The following RFTN1 variants were observed in gnomAD, a reference collection of about 807,000 sequenced individuals.
The protein encoded by RFTN1 is raftlin.
A neutral mutation model predicts 46.5 loss-of-function variants in RFTN1; 26 were observed. The ratio of observed to expected loss-of-function variants is 0.56; its 90% CI spans 0.41 to 0.78. The LOEUF is 0.78. Ranked by LOEUF, RFTN1 falls within the 30% of genes least tolerant of loss-of-function variation. The pLI is 0.00. For missense variants in RFTN1, 693 were observed against 718.7 expected (o/e 0.96, Z 0.41); for synonymous variants, 261 against 284.2 (o/e 0.92, Z 0.82).
rs1242138997 is a variant in RFTN1 at position 16,410,019 on chromosome 3, C to A, written c.333-536G>T. On this transcript the variant is annotated intron_variant, in intron 3 of 9. Coordinates refer to ENST00000334133, the MANE Select transcript of RFTN1 (RefSeq NM_015150.2). This position sits in a 1 kb window ranked among gnomAD's most constrained non-coding sequence, Gnocchi z 4.6. ...ATTTTTTTTTTTTTTTAAAAAGAAT[C>A]ATTGGGTCTTTAATGAAGCCCCAGA... 6.7e-6 allele frequency among the ~76,000 whole-genome samples: 1 copy of A among 150,358 alleles called. No homozygotes were observed. The highest frequency in any genetic ancestry group is 2.5e-5 in the African/African-American group (1 of 40,728).
At chr3:16,482,112 C>T (rs768673770) in intron 2 of RFTN1, among the ~76,000 whole-genome samples, 3 of 152,124 alleles carry the variant, frequency 2.0e-5, no homozygotes, top group Non-Finnish European at 4.4e-5. Context: ...GCAGCATGAC[C>T]CTTAATGTGG....
In RFTN1 at chr3:16,474,970, A is replaced by G. The variant is rs2076257525; in HGVS notation, c.145+18755T>C. On this transcript the variant is annotated intron_variant, in intron 2 of 9. Coordinates refer to ENST00000334133, the MANE Select transcript of RFTN1 (RefSeq NM_015150.2). This position sits in a 1 kb window ranked among gnomAD's most constrained non-coding sequence, Gnocchi z 5.5. ...ATCTCATATTGATATTTGATCTCCC[A>G]CGTTGGAGGTGGGGCCTAGTGGGAG... is the stretch of plus-strand genomic sequence containing the variant. Among the ~76,000 whole-genome samples the G allele has an allele frequency of 2.0e-5, 3 of 152,148 alleles. No homozygotes were observed. The highest frequency in any genetic ancestry group is 2.0e-4 in the Admixed American group (3 of 15,286).
In RFTN1 at chr3:16,338,328, G is replaced by A. The variant is rs1342653035; in HGVS notation, c.1147-11452C>T. ...TGATCACAGGGAAGGTAATGAGGCC[G>A]GACATGCGGCGGCTAAGGGGCGATG... On this transcript the variant is annotated intron_variant, in intron 7 of 9. Coordinates refer to ENST00000334133, the MANE Select transcript of RFTN1 (RefSeq NM_015150.2). The surrounding 1 kb of genome is among the most constrained non-coding windows in gnomAD (Gnocchi z 5.3). Among the ~76,000 whole-genome samples the A allele has an allele frequency of 2.0e-5, 3 of 152,244 alleles. No homozygotes were observed. In the East Asian group the frequency reaches 5.8e-4, roughly 29 times the overall value.
chr3:16,478,394 C>T (rs989895224), intron 2 of RFTN1, among the ~76,000 whole-genome samples: 3 of 152,204 alleles, frequency 2.0e-5, no homozygotes, highest in African/African-American at 7.2e-5. Flanking sequence ...CAAGCTCACA[C>T]AGCTAATAAG....
At chr3:16,438,638 A>G (rs2075562920) in intron 2 of RFTN1, among the ~76,000 whole-genome samples, 1 of 145,496 alleles carries the variant, frequency 6.9e-6, no homozygotes. Flanking sequence ...TTTCTATACC[A>G]GCTGCTCTCC....
rs1341862614 is a variant in RFTN1, at chr3:16,446,998, G to A, written c.146-12961C>T. ...GACTAGTTTCAAGAGGCTTATGACA[G>A]AATAAATTCCACACTCTGGGGGCTT... On this transcript the variant is annotated intron_variant, in intron 2 of 9. Transcript: ENST00000334133. This position sits in a 1 kb window ranked among gnomAD's most constrained non-coding sequence, Gnocchi z 4.5. Among the ~76,000 whole-genome samples, 1 of 152,174 alleles carries A rather than the reference G, an allele frequency of 6.6e-6. No individual in the cohort carries two copies. Among genetic ancestry groups the A allele is most frequent in the Non-Finnish European group, 1.5e-5 (1 of 68,028 alleles).
Position 16,483,275 on chromosome 3 carries a change from G to A in RFTN1, c.145+10450C>T, listed in dbSNP as rs1487184748. Among the ~76,000 whole-genome samples, 1 of 152,154 alleles carries A rather than the reference G, an allele frequency of 6.6e-6. No individual in the cohort carries two copies. Among genetic ancestry groups the A allele is most frequent in the African/African-American group, 2.4e-5 (1 of 41,442 alleles). On this transcript the variant is annotated intron_variant, in intron 2 of 9. Transcript: ENST00000334133. This position sits in a 1 kb window ranked among gnomAD's most constrained non-coding sequence, Gnocchi z 4.8. The stretch of plus-strand genomic sequence containing the variant: ...TTTAAACCAAGAATCCTCCTGTAAT[G>A]CAAATAAGTACTCATCCCCTCCAAT...
Position 16,506,469 on chromosome 3 carries a change from A to T in RFTN1, c.-9+6973T>A, listed in dbSNP as rs1384579051. Among the ~76,000 whole-genome samples, 3 of 152,156 alleles carry T rather than the reference A, an allele frequency of 2.0e-5. No homozygotes were observed. The highest frequency in any genetic ancestry group is 7.2e-5 in the African/African-American group (3 of 41,430). The stretch of plus-strand genomic sequence containing the variant: ...ACCATGACAGCAGGGAACCCAGATG[A>T]CAGTAAGTAGAGGTGTGAGCAGTGG... On this transcript the variant is annotated intron_variant, in intron 1 of 9. Coordinates refer to ENST00000334133, the MANE Select transcript of RFTN1 (RefSeq NM_015150.2). The surrounding 1 kb of genome is among the most constrained non-coding windows in gnomAD (Gnocchi z 4.8).
Position 16,504,858 on chromosome 3 carries a change from C to T in RFTN1, c.-9+8584G>A, listed in dbSNP as rs904448855. On this transcript the variant is annotated intron_variant, in intron 1 of 9. Transcript: ENST00000334133. The surrounding 1 kb of genome is among the most constrained non-coding windows in gnomAD (Gnocchi z 4.4). ...CTCAGCACTTCTGGAAGAATATGCC[C>T]CACAGAATGCAGCACCTTGCCCAAC... Among the ~76,000 whole-genome samples, 4 of 152,120 alleles carry T rather than the reference C, an allele frequency of 2.6e-5. No homozygotes were observed. The highest frequency in any genetic ancestry group is 4.4e-5 in the Non-Finnish European group (3 of 68,018).
In RFTN1 at chr3:16,443,883, T is replaced by C. The variant is rs2124885693; in HGVS notation, c.146-9846A>G. On this transcript the variant is annotated intron_variant, in intron 2 of 9. Transcript: ENST00000334133. The surrounding 1 kb of genome is among the most constrained non-coding windows in gnomAD (Gnocchi z 5.5). Reference sequence around the variant, plus strand: ...ATTAATAAAACTCAGAAGATGGCATTATTGTTCACCTCACCAGTCCATTTT... The same window carrying C: ...ATTAATAAAACTCAGAAGATGGCATCATTGTTCACCTCACCAGTCCATTTT... Among the ~76,000 whole-genome samples the C allele has an allele frequency of 6.6e-6, 1 of 152,274 alleles. No individual in the cohort carries two copies. Among genetic ancestry groups the C allele is most frequent in the African/African-American group, 2.4e-5 (1 of 41,558 alleles).
chr3:16,501,715 C>A (rs1373918001), intron 1 of RFTN1, among the ~76,000 whole-genome samples: 1 of 152,206 alleles, frequency 6.6e-6, no homozygotes, highest in Non-Finnish European at 1.5e-5. Flanking sequence ...AAGAACTGAT[C>A]ATCCAAATTA....
chr3:16,389,236 C>T lies in RFTN1; in HGVS notation c.442-11134G>A, dbSNP rs554999459. On this transcript the variant is annotated intron_variant, in intron 4 of 9. Transcript: ENST00000334133. Reference sequence around the variant, plus strand: ...GTTAAAAAATACTTTGTGATTCCCACGACTCCAGACCAACAAAAATATAAC... The same window carrying T: ...GTTAAAAAATACTTTGTGATTCCCATGACTCCAGACCAACAAAAATATAAC... 3.9e-5 allele frequency among the ~76,000 whole-genome samples: 6 copies of T among 152,326 alleles called. No homozygotes were observed. The East Asian group carries it at 5.8e-4, about 15-fold the overall frequency.
chr3:16,331,800 T>C (rs890901114), intron 7 of RFTN1, among the ~76,000 whole-genome samples: 3 of 152,234 alleles, frequency 2.0e-5, no homozygotes, highest in African/African-American at 7.2e-5. Context: ...GAGCACATCC[T>C]GTAGTGACTC....
chr3:16,323,381 A>C lies in RFTN1; in HGVS notation c.1327T>G (p.Ser443Ala). 1 of 1,607,056 alleles carries C rather than the reference A, an allele frequency of 6.2e-7. No individual in the cohort carries two copies. The highest frequency in any genetic ancestry group is 1.1e-5 in the South Asian group (1 of 91,004). The change falls in exon 9 of 10, where the codon TCG becomes GCG. Residue 443 changes from serine (S) to alanine (A), a missense_variant. By Grantham distance (99) the Ser-to-Ala change is moderately conservative. Coordinates refer to ENST00000334133, the MANE Select transcript of RFTN1 (RefSeq NM_015150.2). ...AGGCCATCAAAGTCTCTTACCTTCG[A>C]TTCCTTCTTCTTGATTTTCTGAGGT... Reference protein sequence around the residue: ...CLPQKIKKKESKFQWRFSREE... With the variant: ...CLPQKIKKKEAKFQWRFSREE...
At chr3:16,355,610 G>C (rs952883395) in intron 7 of RFTN1, among the ~76,000 whole-genome samples, 14 of 152,212 alleles carry the variant, frequency 9.2e-5, no homozygotes, top group African/African-American at 3.4e-4. Context: ...ATCACCTTGT[G>C]GGGTACAGTT....
chr3:16,359,810 T>C (rs981637716), intron 6 of RFTN1, among the ~76,000 whole-genome samples: 5 of 152,176 alleles, frequency 3.3e-5, no homozygotes, highest in African/African-American at 1.2e-4. Flanking sequence ...TCCATAATAA[T>C]GTGACCTTTT....
rs535427320 is a variant in RFTN1, at chr3:16,319,670, T to C, written c.1333-2438A>G. ...GGATGCCTGGCCACATCCAGTTTCC[T>C]GTAGAAGATCACATCTTGTTGATCT... On this transcript the variant is annotated intron_variant, in intron 9 of 9. Transcript: ENST00000334133. Among the ~76,000 whole-genome samples the C allele has an allele frequency of 1.1e-3, 167 of 152,338 alleles. 1 individual carries two copies. The highest frequency in any genetic ancestry group is 3.8e-3 in the African/African-American group (160 of 41,570).
intron 6 of RFTN1, among the ~76,000 whole-genome samples, chr3:16,367,989 C>A (rs572017354): frequency 4.2e-4 from 64 of 152,100 alleles, no homozygotes; most frequent in Admixed American, 4.6e-4. Context: ...TCTCTGCACA[C>A]CTTCAACAAC....
At chr3:16,409,684 ATT>A (rs386396025) in intron 3 of RFTN1, among the ~76,000 whole-genome samples, 4 of 122,466 alleles carry the variant, frequency 3.3e-5, no homozygotes, top group Admixed American at 8.8e-5. Context: ...CACCCGGCTA[ATT>A]TTTTTTTTTT....
Sources: allele counts gnomAD v4.1 joint callset (sites outside exome capture counted in the v4.1 genomes callset), GRCh38; gene constraint gnomAD v4.1.1; non-coding constraint Gnocchi (gnomAD v3.1); transcripts MANE v1.5; gene names NCBI Gene and HGNC (gene_info 2026-07-23, HGNC 2026-07-21).